ATP6V1G3: variants seen among roughly 807,000 people sequenced by gnomAD.
The protein encoded by ATP6V1G3 is ATPase H+ transporting V1 subunit G3.
A neutral mutation model predicts 9.3 loss-of-function variants in ATP6V1G3; 9 were observed. That is an observed-to-expected ratio of 0.97 (90% CI 0.59 to 1.69). The LOEUF is 1.69. Among genes scored for constraint, ATP6V1G3 ranks in the 40% most tolerant of loss-of-function variants. ATP6V1G3 has a pLI of 0.00. For missense variants in ATP6V1G3, 133 were observed against 139.0 expected (o/e 0.96, Z 0.22); for synonymous variants, 43 against 43.8 (o/e 0.98, Z 0.07).
chr1:198,533,517 T>C (rs1276165155), intron 1 of ATP6V1G3, among the ~76,000 whole-genome samples: 2 of 152,096 alleles, frequency 1.3e-5, no homozygotes, highest in Admixed American at 1.3e-4. Flanking sequence ...GAGACAGATA[T>C]GAGTCAATGA....
chr1:198,525,915 A>G (rs1659636048), intron 2 of ATP6V1G3, among the ~76,000 whole-genome samples: 1 of 152,148 alleles, frequency 6.6e-6, no homozygotes. Context: ...CTCTTAGCTC[A>G]GTTTAACTCT....
rs1271812580 is a variant in ATP6V1G3, at chr1:198,540,501, T to C, written c.82+68A>G. The C allele has an allele frequency of 3.3e-6, 5 of 1,524,018 alleles. No homozygotes were observed. The East Asian group carries it at 9.0e-5, about 27-fold the overall frequency. 94.4% of individuals were successfully genotyped at this position (1,524,018 alleles called of 1,614,324 possible). A position where few individuals can be genotyped will look rare whatever the true frequency, so the allele number is the denominator to read the frequency against. The stretch of plus-strand genomic sequence containing the variant: ...AAACAAGGTCTGCCTAATCCAAAAG[T>C]CTATGCTTATCCCTGCATTCCACTG... On this transcript the variant is annotated intron_variant, in intron 1 of 2. Transcript: ENST00000367382.
chr1:198,536,636 CA>C, intron 1 of ATP6V1G3: 1 of 1,491,604 alleles, frequency 6.7e-7, no homozygotes, highest in Non-Finnish European at 9.2e-7. Context: ...AACCTGTAAT[CA>C]GTGAATACAG....
intron 1 of ATP6V1G3, chr1:198,536,677 A>G: frequency 6.3e-7 from 1 of 1,599,286 alleles, no homozygotes; most frequent in Non-Finnish European, 8.6e-7. Flanking sequence ...TAGTCATCTT[A>G]CCAGAAGCAG....
rs1659781218 is a variant in ATP6V1G3, at chr1:198,529,091, T to C, written c.173A>G (p.Lys58Arg). The C allele has an allele frequency of 2.0e-6, 3 of 1,509,710 alleles. No homozygotes were observed. The highest frequency in any genetic ancestry group is 2.7e-6 in the Non-Finnish European group (3 of 1,108,912). The allele number at this position is 1,509,710 out of a possible 1,614,324, so 93.5% of individuals were successfully genotyped here. Residue 58 changes from lysine to arginine, a missense_variant, in exon 2 of 3, where the codon AAA (lysine) becomes AGA (arginine). Physicochemically the swap from Lys to Arg is conservative, Grantham distance 26. Coordinates refer to ENST00000367382, the MANE Select transcript of ATP6V1G3 (RefSeq NM_001376861.1). ...GACTTTCTTACTCACCTTAGATTGT[T>C]TTAGTCGAAACTCTTTATCTCTCTG... ...RMQRDKEFRL[K>R]QSKIMGSQNN... is the part of the protein sequence containing the mutation.
At chr1:198,529,357 T>C (rs185656596) in intron 1 of ATP6V1G3, among the ~76,000 whole-genome samples, 176 bp from the exon 2 acceptor site, 312 of 151,610 alleles carry the variant, frequency 2.1e-3, no homozygotes, top group African/African-American at 7.1e-3. Context: ...TTCTTCCTTA[T>C]TTTTGATGAT....
intron 1 of ATP6V1G3, among the ~76,000 whole-genome samples, chr1:198,537,492 T>A (rs1660164341): frequency 6.6e-6 from 1 of 152,040 alleles, no homozygotes; most frequent in Non-Finnish European, 1.5e-5. Context: ...TTTCTGAGAG[T>A]CTTGCAAATA....
At chr1:198,527,855 G>C (rs1308630867) in intron 2 of ATP6V1G3, among the ~76,000 whole-genome samples, 1 of 152,134 alleles carries the variant, frequency 6.6e-6, no homozygotes, top group African/African-American at 2.4e-5. Flanking sequence ...ACTACAATAG[G>C]TATGTGTTTA....
intron 2 of ATP6V1G3, among the ~76,000 whole-genome samples, chr1:198,525,435 A>G (rs1659615920): frequency 6.6e-6 from 1 of 152,122 alleles, no homozygotes; most frequent in Non-Finnish European, 1.5e-5. Flanking sequence ...CTATTTTTTT[A>G]TAGGGATAAT....
chr1:198,523,293 G>T lies in ATP6V1G3; in HGVS notation c.*98C>A, dbSNP rs971365911. The T allele has an allele frequency of 8.5e-7, 1 of 1,178,424 alleles. No individual in the cohort carries two copies. The highest frequency in any genetic ancestry group is 1.2e-6 in the Non-Finnish European group (1 of 831,282). 73.0% of individuals were successfully genotyped at this position (1,178,424 alleles called of 1,614,324 possible). A position where few individuals can be genotyped will look rare whatever the true frequency, so the allele number is the denominator to read the frequency against. ...ACATTTCCTGTAAATGTAAATTTAA[G>T]GTTCTCATTTCAAATTTCTCAACAT... On this transcript the variant is annotated 3_prime_UTR_variant, in exon 3 of 3. Transcript: ENST00000367382.
rs762617870 is a variant in ATP6V1G3 at position 198,523,246 on chromosome 1, G to T, written c.*145C>A. ...GTTGTATTTTGTTTTGTTTAATTCA[G>T]TGCCGATGTATGAGTTATGTCACAT... On this transcript the variant is annotated 3_prime_UTR_variant, in exon 3 of 3. Transcript: ENST00000367382. The T allele has an allele frequency of 3.9e-5, 30 of 762,090 alleles. No homozygotes were observed. Among genetic ancestry groups the T allele is most frequent in the Non-Finnish European group, 6.3e-5 (30 of 473,940 alleles). 47.2% of individuals were successfully genotyped at this position (762,090 alleles called of 1,614,324 possible).
intron 1 of ATP6V1G3, among the ~76,000 whole-genome samples, chr1:198,531,626 G>A (rs1016560614): frequency 1.3e-5 from 2 of 152,218 alleles, no homozygotes; most frequent in Non-Finnish European, 2.9e-5. Context: ...CCCCAGATGC[G>A]ATAAGTTCTT....
At chr1:198,525,807 C>T (rs1282210407) in intron 2 of ATP6V1G3, among the ~76,000 whole-genome samples, 1 of 152,050 alleles carries the variant, frequency 6.6e-6, no homozygotes, top group Non-Finnish European at 1.5e-5. Context: ...CCATTTTGGA[C>T]AGTGCAGCAA....
At chr1:198,533,300 T>TAAA (rs79666501) in intron 1 of ATP6V1G3, among the ~76,000 whole-genome samples, 2 of 124,898 alleles carry the variant, frequency 1.6e-5, no homozygotes, top group Admixed American at 8.4e-5. Flanking sequence ...AGACTCTGTC[T>TAAA]AAAAAAAAAA....
At chr1:198,536,678 C>T in intron 1 of ATP6V1G3, 7 of 1,599,416 alleles carry the variant, frequency 4.4e-6, no homozygotes, top group Non-Finnish European at 6.0e-6. Context: ...AGTCATCTTA[C>T]CAGAAGCAGT....
chr1:198,524,121 C>T (rs1659560181), intron 2 of ATP6V1G3, among the ~76,000 whole-genome samples: 3 of 106,940 alleles, frequency 2.8e-5, no homozygotes, highest in African/African-American at 6.7e-5. Flanking sequence ...TTTATATGCA[C>T]AATTTTTTTT....
At chr1:198,533,193 A>C (rs945906611) in intron 1 of ATP6V1G3, among the ~76,000 whole-genome samples, 1 of 151,550 alleles carries the variant, frequency 6.6e-6, no homozygotes, top group Non-Finnish European at 1.5e-5. Context: ...AGTTCCAGCT[A>C]TTTGGGAGGC....
intron 1 of ATP6V1G3, among the ~76,000 whole-genome samples, chr1:198,529,843 A>G (rs931963276): frequency 6.6e-6 from 1 of 152,062 alleles, no homozygotes; most frequent in Non-Finnish European, 1.5e-5. Context: ...ATTGTTTTTA[A>G]TGATTAGGAG....
chr1:198,535,801 G>A (rs575121878), intron 1 of ATP6V1G3, among the ~76,000 whole-genome samples: 27 of 152,120 alleles, frequency 1.8e-4, no homozygotes, highest in African/African-American at 6.5e-4. Flanking sequence ...CCCACCCAAG[G>A]TCACACAGCT....
Sources: allele counts gnomAD v4.1 joint callset (sites outside exome capture counted in the v4.1 genomes callset), GRCh38; gene constraint gnomAD v4.1.1; transcripts MANE v1.5; gene names NCBI Gene and HGNC (gene_info 2026-07-23, HGNC 2026-07-21).